The following ADGRL3 variants were observed in gnomAD, a reference collection of about 807,000 sequenced individuals.
The protein encoded by ADGRL3 is adhesion G protein-coupled receptor L3, also known as calcium-independent alpha-latrotoxin receptor 3.
ADGRL3 carries 62 observed loss-of-function variants against 153.5 expected under a neutral mutation model. That is an observed-to-expected ratio of 0.40 (90% CI 0.33 to 0.50). The LOEUF (loss-of-function observed/expected upper bound fraction) is 0.50. Among genes scored for constraint, ADGRL3 ranks in the 20% least tolerant of loss-of-function variants. ADGRL3 has a pLI of 0.47. For missense variants in ADGRL3, 1,641 were observed against 1,859.4 expected (o/e 0.88, Z 2.16); for synonymous variants, 710 against 672.5 (o/e 1.06, Z -0.86).
intron 8 of ADGRL3, among the ~76,000 whole-genome samples, chr4:61,735,055 C>A (rs192446533): frequency 4.6e-5 from 7 of 152,304 alleles, no homozygotes; most frequent in East Asian, 3.9e-4. Context: ...ATATGCATAT[C>A]TTTTTACTGA....
chr4:61,727,625 G>T (rs2096372112), intron 6 of ADGRL3, among the ~76,000 whole-genome samples: 1 of 151,996 alleles, frequency 6.6e-6, no homozygotes, highest in Admixed American at 6.6e-5. Flanking sequence ...CTGTTTTGTA[G>T]CAACAAATGT....
intron 1 of ADGRL3, among the ~76,000 whole-genome samples, chr4:61,319,075 A>G (rs1013926348): frequency 2.0e-5 from 3 of 152,206 alleles, no homozygotes; most frequent in Non-Finnish European, 4.4e-5. Context: ...GAATGGTGTC[A>G]TTAAGGAATA....
intron 11 of ADGRL3, among the ~76,000 whole-genome samples, chr4:61,908,932 A>G (rs2098709241): frequency 1.3e-5 from 2 of 152,166 alleles, no homozygotes; most frequent in Admixed American, 1.3e-4. Flanking sequence ...TGGAGTGTTG[A>G]CCATTTGACA....
intron 1 of ADGRL3, among the ~76,000 whole-genome samples, chr4:61,304,343 A>T (rs2094693682): frequency 1.3e-5 from 2 of 152,204 alleles, no homozygotes; most frequent in African/African-American, 4.8e-5. Context: ...TGTGTTTAAG[A>T]TTGTGAGGCT....
At chr4:61,617,666 C>T (rs2092150531) in intron 5 of ADGRL3, among the ~76,000 whole-genome samples, 1 of 152,226 alleles carries the variant, frequency 6.6e-6, no homozygotes, top group African/African-American at 2.4e-5. Flanking sequence ...ATTCAAACAG[C>T]ATCTGCTCCC....
intron 1 of ADGRL3, among the ~76,000 whole-genome samples, chr4:61,365,084 T>A (rs1476495371): frequency 6.6e-6 from 1 of 152,098 alleles, no homozygotes; most frequent in Non-Finnish European, 1.5e-5. Flanking sequence ...TAAGTTAATA[T>A]CATTATGCCC....
chr4:61,647,244 G>C (rs1333051644), intron 5 of ADGRL3, among the ~76,000 whole-genome samples: 5 of 152,066 alleles, frequency 3.3e-5, no homozygotes, highest in Non-Finnish European at 7.4e-5. Context: ...TCTTCTGCGT[G>C]GCTCACGCTG....
chr4:61,366,838 T>G (rs563285949), intron 1 of ADGRL3, among the ~76,000 whole-genome samples: 2 of 152,280 alleles, frequency 1.3e-5, no homozygotes, highest in South Asian at 4.1e-4. Flanking sequence ...GATAATTGAA[T>G]AGTCAAACCA....
At chr4:61,790,292 T>C (rs1279347689) in intron 8 of ADGRL3, among the ~76,000 whole-genome samples, 1 of 152,166 alleles carries the variant, frequency 6.6e-6, no homozygotes, top group African/African-American at 2.4e-5. Context: ...AACCAAATTT[T>C]GGGAATATCA....
chr4:62,028,359 A>G (rs1384598863), intron 21 of ADGRL3, among the ~76,000 whole-genome samples: 5 of 151,816 alleles, frequency 3.3e-5, no homozygotes, highest in Non-Finnish European at 1.5e-5. Flanking sequence ...TCTAAGGGCT[A>G]TAATGTTAAG....
intron 5 of ADGRL3, among the ~76,000 whole-genome samples, chr4:61,611,099 T>A (rs2091283036): frequency 6.6e-6 from 1 of 152,172 alleles, no homozygotes; most frequent in South Asian, 2.1e-4. Flanking sequence ...AAATTTATTG[T>A]TTGTCCATAT....
chr4:61,446,407 T>C (rs2097582947), intron 2 of ADGRL3, among the ~76,000 whole-genome samples: 2 of 152,224 alleles, frequency 1.3e-5, no homozygotes, highest in South Asian at 4.1e-4. Flanking sequence ...TGTGATGGTA[T>C]TAATGAATTG....
At chr4:61,868,613 A>G (rs1290813840) in intron 9 of ADGRL3, among the ~76,000 whole-genome samples, 2 of 152,198 alleles carry the variant, frequency 1.3e-5, no homozygotes, top group African/African-American at 2.4e-5. Flanking sequence ...TATAATAACA[A>G]CCTCTAAACT....
At chr4:61,920,650 G>T (rs1312383348) in intron 13 of ADGRL3, among the ~76,000 whole-genome samples, 2 of 152,270 alleles carry the variant, frequency 1.3e-5, no homozygotes, top group South Asian at 2.1e-4. Flanking sequence ...GCTGCATCTG[G>T]TTTTTTGCTC....
At chr4:62,002,196 A>G (rs2099142789) in intron 21 of ADGRL3, among the ~76,000 whole-genome samples, 1 of 149,966 alleles carries the variant, frequency 6.7e-6, no homozygotes, top group Non-Finnish European at 1.5e-5. Flanking sequence ...ACTCTTCAAA[A>G]GAGCCCATTA....
intron 8 of ADGRL3, among the ~76,000 whole-genome samples, chr4:61,735,320 A>C (rs1288813550): frequency 6.6e-6 from 1 of 152,236 alleles, no homozygotes; most frequent in Non-Finnish European, 1.5e-5. Flanking sequence ...TTGTTTCCAC[A>C]ATCAGCAATG....
At chr4:61,994,524 T>C (rs1426383723) in intron 19 of ADGRL3, among the ~76,000 whole-genome samples, 1 of 151,774 alleles carries the variant, frequency 6.6e-6, no homozygotes, top group Non-Finnish European at 1.5e-5. Flanking sequence ...TGCTTAAAAA[T>C]CTAGCTCTTA....
intron 8 of ADGRL3, among the ~76,000 whole-genome samples, chr4:61,745,103 T>G (rs1396237760): frequency 1.3e-5 from 2 of 151,868 alleles, no homozygotes; most frequent in African/African-American, 4.8e-5. Flanking sequence ...TCAACTGGAA[T>G]AAAGGGTATC....
intron 2 of ADGRL3, among the ~76,000 whole-genome samples, chr4:61,399,783 C>A (rs562910450): frequency 6.6e-6 from 1 of 151,624 alleles, no homozygotes; most frequent in Non-Finnish European, 1.5e-5. Flanking sequence ...CCCTCTTGCT[C>A]TATAAACTTA....
Sources: gnomAD v4.1 joint callset for allele counts (sites outside exome capture counted in the v4.1 genomes callset) on GRCh38, gnomAD v4.1.1 for gene constraint, MANE v1.5 for transcripts, NCBI Gene and HGNC (gene_info 2026-07-23, HGNC 2026-07-21) for gene names.